Variants in DPP10 observed in about 807,000 individuals in gnomAD.
DPP10 encodes the protein inactive dipeptidyl peptidase 10.
In DPP10, 33 loss-of-function variants were observed where a neutral mutation model predicts 120.9. That is an observed-to-expected ratio of 0.27 (90% CI 0.21 to 0.37). The LOEUF (loss-of-function observed/expected upper bound fraction) is 0.37, where lower values mean the gene tolerates loss of function less well. Among genes scored for constraint, DPP10 ranks in the 10% least tolerant of loss-of-function variants. The pLI is 1.00. For synonymous variants in DPP10, 337 were observed against 326.1 expected, an observed-to-expected ratio of 1.03 and a Z score of -0.36; for missense variants, 816 against 942.8, an observed-to-expected ratio of 0.87 and a Z score of 1.76.
chr2:115,749,421 T>C (rs889306230), intron 10 of DPP10, among the ~76,000 whole-genome samples: 5 of 152,180 alleles, frequency 3.3e-5, no homozygotes, highest in African/African-American at 1.2e-4. Flanking sequence ...TAGTCACTTA[T>C]CTTTTGTGAC....
At chr2:114,953,725 TCAA>T (rs927994055) in intron 1 of DPP10, among the ~76,000 whole-genome samples, 9 of 152,254 alleles carry the variant, frequency 5.9e-5, no homozygotes, top group Admixed American at 3.3e-4. Context: ...AATAGATTGT[TCAA>T]CAACAAGAAA....
chr2:115,717,365 A>T (rs1187412316), intron 7 of DPP10, among the ~76,000 whole-genome samples: 1 of 152,164 alleles, frequency 6.6e-6, no homozygotes, highest in East Asian at 1.9e-4. Context: ...TGTACCCTAA[A>T]ACTTAAAGTA....
At chr2:115,679,196 G>GGT (rs1189804776) in intron 5 of DPP10, among the ~76,000 whole-genome samples, 1 of 151,850 alleles carries the variant, frequency 6.6e-6, no homozygotes, top group African/African-American at 2.4e-5. Context: ...ATGAGATGTG[G>GGT]GGGGGGTGCA....
intron 1 of DPP10, among the ~76,000 whole-genome samples, chr2:114,497,235 G>A (rs111070896): frequency 0.036 from 5,236 of 145,296 alleles, 184 homozygotes; most frequent in Middle Eastern, 0.086. Context: ...ATGTACGTGC[G>A]TATACATGTG....
At chr2:115,062,153 T>C (rs1309190262) in intron 1 of DPP10, among the ~76,000 whole-genome samples, 1 of 151,298 alleles carries the variant, frequency 6.6e-6, no homozygotes, top group East Asian at 1.9e-4. Flanking sequence ...TGTGTGTGTG[T>C]GTGTGTGTGT....
intron 5 of DPP10, among the ~76,000 whole-genome samples, chr2:115,623,429 G>T: frequency 6.6e-6 from 1 of 152,132 alleles, no homozygotes; most frequent in East Asian, 1.9e-4. Flanking sequence ...TTCTGAATTT[G>T]TGATTGGTGT....
intron 4 of DPP10, among the ~76,000 whole-genome samples, chr2:115,510,584 C>T (rs991950274): frequency 2.0e-5 from 3 of 152,030 alleles, no homozygotes; most frequent in Non-Finnish European, 4.4e-5. Flanking sequence ...GATGTGTGAG[C>T]CCTTGAACTT....
At chr2:114,976,385 C>T (rs547579070) in intron 1 of DPP10, among the ~76,000 whole-genome samples, 3 of 152,228 alleles carry the variant, frequency 2.0e-5, no homozygotes, top group East Asian at 1.9e-4. Flanking sequence ...ATCTCCATTT[C>T]GTAGTTATTT....
In DPP10 at chr2:115,128,137, T is replaced by C. The variant is rs544769858; in HGVS notation, c.61-181102T>C. Among the ~76,000 whole-genome samples, 27 of 152,306 alleles carry C rather than the reference T, an allele frequency of 1.8e-4. 1 individual carries two copies. Among genetic ancestry groups the C allele is most frequent in the African/African-American group, 6.3e-4 (26 of 41,588 alleles). ...ACCTAATCCAAAATGCAAGGGTCTT[T>C]ATAATCAGCCTTCCCAAATTGATTT... On this transcript the variant is annotated intron_variant, in intron 1 of 25. Coordinates refer to ENST00000410059, the MANE Select transcript of DPP10 (RefSeq NM_020868.6).
intron 1 of DPP10, among the ~76,000 whole-genome samples, chr2:115,140,605 A>T (rs1442367480): frequency 6.6e-6 from 1 of 152,212 alleles, no homozygotes; most frequent in Non-Finnish European, 1.5e-5. Context: ...AAGCTGTTGC[A>T]ACAATTCAGA....
chr2:114,584,841 T>C (rs556637912), intron 1 of DPP10, among the ~76,000 whole-genome samples: 3 of 152,098 alleles, frequency 2.0e-5, no homozygotes, highest in Non-Finnish European at 2.9e-5. Context: ...CCAGAAATAG[T>C]CTAGGCTAGA....
At chr2:115,477,033 C>T (rs2075131758) in intron 3 of DPP10, among the ~76,000 whole-genome samples, 1 of 152,136 alleles carries the variant, frequency 6.6e-6, no homozygotes, top group African/African-American at 2.4e-5. Context: ...TTCTAATCCA[C>T]ACATGAGAAA....
In DPP10 at chr2:115,534,110, A is replaced by T. The variant is rs200155560; in HGVS notation, c.441+8138A>T. On this transcript the variant is annotated intron_variant, in intron 5 of 25. Transcript: ENST00000410059. ...ACTTTTATTTATTTTTTTATTTTTT[A>T]TTTTTTTTTATTATTATACTTCAAG... Among the ~76,000 whole-genome samples, 42 of 146,876 alleles carry T rather than the reference A, an allele frequency of 2.9e-4. 1 individual carries two copies. Among genetic ancestry groups the T allele is most frequent in the African/African-American group, 9.0e-4 (35 of 38,996 alleles).
At chr2:115,467,049 C>G (rs1017428946) in intron 3 of DPP10, among the ~76,000 whole-genome samples, 3 of 152,118 alleles carry the variant, frequency 2.0e-5, no homozygotes, top group Non-Finnish European at 2.9e-5. Flanking sequence ...GAATGTAGCA[C>G]TCTCTTTTAC....
chr2:115,376,352 G>A (rs868276680), intron 3 of DPP10, among the ~76,000 whole-genome samples: 1 of 151,942 alleles, frequency 6.6e-6, no homozygotes, highest in South Asian at 2.1e-4. Flanking sequence ...TTCATGTTAG[G>A]AAAAGGTGTA....
intron 3 of DPP10, among the ~76,000 whole-genome samples, chr2:115,486,252 T>A (rs914359018): frequency 8.2e-6 from 1 of 121,330 alleles, no homozygotes. Flanking sequence ...GAAAACTTGC[T>A]TAAGTTTTAC....
intron 1 of DPP10, among the ~76,000 whole-genome samples, chr2:114,935,423 A>T (rs1445109434): frequency 6.6e-6 from 1 of 152,170 alleles, no homozygotes; most frequent in African/African-American, 2.4e-5. Context: ...TTAAATGTAC[A>T]CATTCAGTAT....
At chr2:115,079,847 T>G (rs914405183) in intron 1 of DPP10, among the ~76,000 whole-genome samples, 1 of 152,166 alleles carries the variant, frequency 6.6e-6, no homozygotes, top group Non-Finnish European at 1.5e-5. Flanking sequence ...GTTATCAGAT[T>G]GATTTTCCAG....
chr2:114,625,295 C>A (rs935969889), intron 1 of DPP10, among the ~76,000 whole-genome samples: 1 of 151,878 alleles, frequency 6.6e-6, no homozygotes, highest in Non-Finnish European at 1.5e-5. Flanking sequence ...GATCTTCTAG[C>A]CCCAATACTT....
Sources: allele counts gnomAD v4.1 joint callset (sites outside exome capture counted in the v4.1 genomes callset), GRCh38; gene constraint gnomAD v4.1.1; transcripts MANE v1.5; gene names NCBI Gene and HGNC (gene_info 2026-07-23, HGNC 2026-07-21).